Variants in GABRR1 observed in about 807,000 individuals in gnomAD.
The protein encoded by GABRR1 is gamma-aminobutyric acid type A receptor subunit rho1.
In GABRR1, 59 loss-of-function variants were observed where a neutral mutation model predicts 55.5. The ratio of observed to expected loss-of-function variants is 1.06; its 90% confidence interval spans 0.86 to 1.32. GABRR1 has a LOEUF of 1.32. GABRR1 is among the 40% of genes most tolerant of loss of function. The probability of loss-of-function intolerance (pLI) is 0.00; values close to 1 mark genes in which losing one functional copy is unlikely to be tolerated. For missense variants in GABRR1, 602 were observed against 619.1 expected, an observed-to-expected ratio of 0.97 and a Z score of 0.29; for synonymous variants, 213 against 226.0, an observed-to-expected ratio of 0.94 and a Z score of 0.51.
At chr6:89,225,901 T>C (rs1460373233) in intron 1 of GABRR1, among the ~76,000 whole-genome samples, 1 of 145,712 alleles carries the variant, frequency 6.9e-6, no homozygotes, top group Non-Finnish European at 1.5e-5. Context: ...AGTGTTCCTA[T>C]TTCTCCACAT....
rs1169809873 is a variant in GABRR1, at chr6:89,180,392, C to T, written c.1046G>A (p.Trp349Ter). 1 of 1,613,798 alleles carries T rather than the reference C, an allele frequency of 6.2e-7. No homozygotes were observed. Among genetic ancestry groups the T allele is most frequent in the Non-Finnish European group, 8.5e-7 (1 of 1,179,876 alleles). Residue 349 changes from tryptophan to a stop codon, truncating the protein, a stop_gained, in exon 9 of 10, where the codon TGG (tryptophan) becomes TAG (stop). Transcript: ENST00000454853. LOFTEE classifies it high-confidence loss of function. ...SYIKAVDIYL[W>*]VSFVFVFLSV... ...GAGGAACACGAACACAAAGCTGACC[C>T]AGAGGTAGATGTCCACGGCCTTGAT...
chr6:89,201,120 C>G (rs1041558612), intron 3 of GABRR1, 39 bp downstream of exon 3: 3 of 1,465,674 alleles, frequency 2.0e-6, no homozygotes, highest in Non-Finnish European at 2.9e-6. Context: ...GACAGAGGAC[C>G]AGAAGAAAGA....
rs761062208 is a variant in GABRR1 at position 89,181,903 on chromosome 6, A to T, written c.949+2T>A. 3.1e-6 allele frequency: 5 copies of T among 1,609,174 alleles called. No homozygotes were observed. The highest frequency in any genetic ancestry group is 4.2e-6 in the Non-Finnish European group (5 of 1,177,660). ...GGAATATGCACTTGAGGTATTCCTT[A>T]CCTAAGGGGACTCTGGCAGGCACGG... On this transcript the variant is annotated splice_donor_variant, in intron 8 of 9. Coordinates refer to ENST00000454853, the MANE Select transcript of GABRR1 (RefSeq NM_002042.5). LOFTEE classifies it high-confidence loss of function.
chr6:89,209,405 C>T (rs952067520), intron 1 of GABRR1, among the ~76,000 whole-genome samples: 1 of 152,146 alleles, frequency 6.6e-6, no homozygotes, highest in African/African-American at 2.4e-5. Context: ...ACATTTTAGA[C>T]TCTTGTTAAA....
chr6:89,185,935 A>C (rs1215148699), intron 6 of GABRR1, among the ~76,000 whole-genome samples: 1 of 152,050 alleles, frequency 6.6e-6, no homozygotes, highest in East Asian at 1.9e-4. Flanking sequence ...AAGATCCATA[A>C]AGAGACGGGA....
Position 89,178,691 on chromosome 6 carries a change from T to C in GABRR1, c.*79A>G. 1 of 1,293,276 alleles carries C rather than the reference T, an allele frequency of 7.7e-7. No homozygotes were observed. Among genetic ancestry groups the C allele is most frequent in the Non-Finnish European group, 1.1e-6 (1 of 925,864 alleles). The allele number at this position is 1,293,276 out of a possible 1,614,324, so 80.1% of individuals were successfully genotyped here. On this transcript the variant is annotated 3_prime_UTR_variant, in exon 10 of 10. Coordinates refer to ENST00000454853, the MANE Select transcript of GABRR1 (RefSeq NM_002042.5). ...GTCCTGGGATTTTTTTTTAACCATATCCTTAAATACTTTTTCATTATACAG... is the reference window on the plus strand; with the variant it reads ...GTCCTGGGATTTTTTTTTAACCATACCCTTAAATACTTTTTCATTATACAG...
intron 6 of GABRR1, among the ~76,000 whole-genome samples, chr6:89,186,011 A>G (rs1204960565): frequency 1.3e-5 from 2 of 152,186 alleles, no homozygotes; most frequent in African/African-American, 4.8e-5. Context: ...AAGTGAATCC[A>G]TGATCATCAC....
exon 1 of GABRR1, chr6:89,231,254 G>C (rs979365955): frequency 6.5e-6 from 1 of 154,536 alleles, no homozygotes. Flanking sequence ...CTGTAGACGG[G>C]AGCTGTTCCT....
chr6:89,186,503 C>T (rs1240339517), intron 6 of GABRR1, among the ~76,000 whole-genome samples: 1 of 152,202 alleles, frequency 6.6e-6, no homozygotes, highest in Non-Finnish European at 1.5e-5. Flanking sequence ...AGATGTGGGA[C>T]TCTTAGCCAG....
rs1771591715 is a variant in GABRR1 at position 89,177,866 on chromosome 6, G to C, written c.*904C>G. ...TATTTCTCATTCTAATGAGTTACAA[G>C]TAGTCCCAAATTATGTATTTCCTTG... is the stretch of plus-strand genomic sequence containing the variant. On this transcript the variant is annotated 3_prime_UTR_variant, in exon 10 of 10. Coordinates refer to ENST00000454853, the MANE Select transcript of GABRR1 (RefSeq NM_002042.5). 6.6e-6 allele frequency: 1 copy of C among 152,164 alleles called. No individual in the cohort carries two copies. Among genetic ancestry groups the C allele is most frequent in the Admixed American group, 6.5e-5 (1 of 15,282 alleles). The allele number at this position is 152,164 out of a possible 1,614,324, so 9.4% of individuals were successfully genotyped here. A position where few individuals can be genotyped will look rare whatever the true frequency, so the allele number is the denominator to read the frequency against.
chr6:89,220,101 A>G (rs1270146245), upstream of GABRR1, among the ~76,000 whole-genome samples: 2 of 152,218 alleles, frequency 1.3e-5, no homozygotes, highest in Non-Finnish European at 1.5e-5. Flanking sequence ...CAAAATGAAC[A>G]GGACAATAAG....
intron 1 of GABRR1, among the ~76,000 whole-genome samples, chr6:89,208,641 C>A (rs558075155): frequency 6.6e-6 from 1 of 152,374 alleles, no homozygotes; most frequent in Admixed American, 6.5e-5. Flanking sequence ...TGCTTCCAGA[C>A]TGCCTTCCTA....
Position 89,178,669 on chromosome 6 carries a change from C to T in GABRR1, c.*101G>A. 9.6e-7 allele frequency: 1 copy of T among 1,043,296 alleles called. No homozygotes were observed. The highest frequency in any genetic ancestry group is 1.4e-6 in the Non-Finnish European group (1 of 721,320). The allele number at this position is 1,043,296 out of a possible 1,614,324, so 64.6% of individuals were successfully genotyped here. Reference sequence around the variant, plus strand: ...GGGATAGTGAAAACATGGGTGGGTCCTGGGATTTTTTTTTAACCATATCCT... The same window carrying T: ...GGGATAGTGAAAACATGGGTGGGTCTTGGGATTTTTTTTTAACCATATCCT... On this transcript the variant is annotated 3_prime_UTR_variant, in exon 10 of 10. Coordinates refer to ENST00000454853, the MANE Select transcript of GABRR1 (RefSeq NM_002042.5).
At chr6:89,205,797 A>C (rs2127802611) in intron 1 of GABRR1, 1 of 152,286 alleles carries the variant, frequency 6.6e-6, no homozygotes, top group South Asian at 2.1e-4. Flanking sequence ...CGGCTAATGA[A>C]AATGATCATG....
In GABRR1 at chr6:89,201,165, A is replaced by C; in HGVS notation, c.274T>G (p.Phe92Val). 1 of 1,613,162 alleles carries C rather than the reference A, an allele frequency of 6.2e-7. No individual in the cohort carries two copies. The highest frequency in any genetic ancestry group is 8.5e-7 in the Non-Finnish European group (1 of 1,179,128). The change falls in exon 3 of 10, where the codon TTT becomes GTT. Residue 92 changes from phenylalanine (F) to valine (V), a missense_variant. Coordinates refer to ENST00000454853, the MANE Select transcript of GABRR1 (RefSeq NM_002042.5). ...DDHDFSMRPG[F>V]GGPAIPVGVD... ...GAGAGCACACATCCCATACCTCCAA[A>C]GCCAGGCCTCATGCTGAAATCATGG...
intron 7 of GABRR1, among the ~76,000 whole-genome samples, chr6:89,184,626 C>G (rs1322760301): frequency 2.6e-5 from 4 of 152,174 alleles, no homozygotes; most frequent in South Asian, 2.1e-4. Flanking sequence ...AAATTGAAAA[C>G]AGCAGACCTG....
At chr6:89,212,657 G>GTTGT (rs34740807) in intron 1 of GABRR1, among the ~76,000 whole-genome samples, 1 of 149,002 alleles carries the variant, frequency 6.7e-6, no homozygotes, top group African/African-American at 2.5e-5. Context: ...TAAGTTTTGG[G>GTTGT]TTATTTATTT....
intron 5 of GABRR1, among the ~76,000 whole-genome samples, chr6:89,191,587 G>A (rs1772090484): frequency 6.6e-6 from 1 of 151,986 alleles, no homozygotes; most frequent in African/African-American, 2.4e-5. Flanking sequence ...CTGAGTTGAT[G>A]CTTCTCTCCA....
chr6:89,198,521 G>A (rs1271454237), intron 4 of GABRR1, among the ~76,000 whole-genome samples: 1 of 152,044 alleles, frequency 6.6e-6, no homozygotes, highest in Admixed American at 6.6e-5. Context: ...TACACTTGAG[G>A]GGCTGCTACT....
Sources: allele counts gnomAD v4.1 joint callset (sites outside exome capture counted in the v4.1 genomes callset), GRCh38; gene constraint gnomAD v4.1.1; transcripts MANE v1.5; gene names NCBI Gene and HGNC (gene_info 2026-07-23, HGNC 2026-07-21).